The following KCNK9 variants were observed in gnomAD, a reference collection of about 807,000 sequenced individuals.
The protein encoded by KCNK9 is potassium channel subfamily K member 9.
KCNK9 carries 1 observed loss-of-function variant against 10.8 expected under a neutral mutation model. The ratio of observed to expected loss-of-function variants is 0.09; its 90% CI spans 0.03 to 0.44. The LOEUF is 0.44. Ranked by LOEUF, KCNK9 falls within the 20% of genes least tolerant of loss-of-function variation. KCNK9 has a pLI of 0.97. For synonymous variants in KCNK9, 231 were observed against 222.7 expected (o/e 1.04, Z -0.33); for missense variants, 303 against 515.0 (o/e 0.59, Z 3.98).
At position 139,665,354 on chromosome 8, in the gene KCNK9, A is replaced by G. The variant is rs571368386; in HGVS notation, c.283+37356T>C. Among the ~76,000 whole-genome samples the G allele has an allele frequency of 7.9e-5, 12 of 152,248 alleles. No individual in the cohort carries two copies. The East Asian group carries it at 1.9e-3, about 25-fold the overall frequency. On this transcript the variant is annotated intron_variant, in intron 1 of 1. Coordinates refer to ENST00000520439, the MANE Select transcript of KCNK9 (RefSeq NM_001282534.2). ...CCCTCCGACCTCTGCTTCAATCATC[A>G]GAACTCTCCTGACTCTACCCTCCTG...
intron 1 of KCNK9, among the ~76,000 whole-genome samples, chr8:139,666,007 G>A (rs968635418): frequency 1.3e-5 from 2 of 152,238 alleles, no homozygotes; most frequent in African/African-American, 4.8e-5. Flanking sequence ...GGGAAGTAGT[G>A]AGTGCTCCTA....
downstream of KCNK9, among the ~76,000 whole-genome samples, chr8:139,609,246 A>ACCCCCC (rs1220786453): frequency 1.0e-5 from 1 of 98,094 alleles, no homozygotes; most frequent in East Asian, 3.3e-4. Flanking sequence ...CTGCCCCCCC[A>ACCCCCC]CCCCCCCCCC....
chr8:139,655,426 T>C (rs1317220427), intron 1 of KCNK9, among the ~76,000 whole-genome samples: 1 of 152,042 alleles, frequency 6.6e-6, no homozygotes, highest in Non-Finnish European at 1.5e-5. Context: ...CATTCAAACC[T>C]GACTAGGCAG....
intron 2 of KCNK9, among the ~76,000 whole-genome samples, chr8:139,604,205 C>T (rs1348763266): frequency 2.0e-5 from 3 of 152,212 alleles, no homozygotes; most frequent in Non-Finnish European, 4.4e-5. Context: ...GGACTATTGT[C>T]TGCAGATATG....
chr8:139,646,221 G>A (rs1815672461), intron 1 of KCNK9, among the ~76,000 whole-genome samples: 7 of 152,200 alleles, frequency 4.6e-5, no homozygotes, highest in Admixed American at 3.9e-4. Context: ...AACACTGTGG[G>A]CATCACCCTT....
intron 1 of KCNK9, among the ~76,000 whole-genome samples, chr8:139,658,014 G>A (rs1367325959): frequency 2.6e-5 from 4 of 152,246 alleles, no homozygotes; most frequent in Non-Finnish European, 5.9e-5. Flanking sequence ...ATGGTTTCCT[G>A]TTGGGTTTAG....
At chr8:139,632,150 C>T (rs773792844) in intron 1 of KCNK9, among the ~76,000 whole-genome samples, 5 of 152,198 alleles carry the variant, frequency 3.3e-5, no homozygotes, top group African/African-American at 4.8e-5. Context: ...TTTGCCGCAA[C>T]GCCCATTCTG....
At chr8:139,664,562 C>T (rs933926945) in intron 1 of KCNK9, among the ~76,000 whole-genome samples, 8 of 152,192 alleles carry the variant, frequency 5.3e-5, no homozygotes, top group Admixed American at 2.0e-4. Flanking sequence ...ATCCAGAAGA[C>T]GCTTAGCCAC....
chr8:139,640,800 G>A (rs913503370), intron 1 of KCNK9, among the ~76,000 whole-genome samples: 4 of 152,276 alleles, frequency 2.6e-5, no homozygotes, highest in South Asian at 4.1e-4. Flanking sequence ...TTGTTGCTGC[G>A]TCATCCACAG....
intron 1 of KCNK9, among the ~76,000 whole-genome samples, chr8:139,640,875 C>T (rs1213764544): frequency 1.3e-5 from 2 of 152,254 alleles, no homozygotes; most frequent in Non-Finnish European, 2.9e-5. Context: ...CAGACGTGCA[C>T]CGTCACTCGG....
At chr8:139,700,227 C>G (rs1024643327) in intron 1 of KCNK9, among the ~76,000 whole-genome samples, 1 of 152,180 alleles carries the variant, frequency 6.6e-6, no homozygotes, top group Non-Finnish European at 1.5e-5. Flanking sequence ...TACTAAGTGC[C>G]GGCCACACTG....
At chr8:139,688,823 A>G (rs1282635397) in intron 1 of KCNK9, among the ~76,000 whole-genome samples, 1 of 152,248 alleles carries the variant, frequency 6.6e-6, no homozygotes, top group African/African-American at 2.4e-5. Flanking sequence ...AGTGACTTCT[A>G]TGTGATGGGC....
intron 1 of KCNK9, among the ~76,000 whole-genome samples, chr8:139,653,843 C>T (rs971799164): frequency 1.3e-5 from 2 of 152,236 alleles, no homozygotes; most frequent in African/African-American, 2.4e-5. Context: ...GCTCAGCTCT[C>T]GGGCAACACC....
At chr8:139,688,270 G>A (rs527666333) in intron 1 of KCNK9, among the ~76,000 whole-genome samples, 7 of 152,240 alleles carry the variant, frequency 4.6e-5, no homozygotes, top group Admixed American at 3.9e-4. Flanking sequence ...GTCTTAATCC[G>A]TTCTCACACT....
At chr8:139,619,131 G>A (rs779857510) in intron 1 of KCNK9, 32 bp from the exon 2 acceptor site, 3 of 1,612,406 alleles carry the variant, frequency 1.9e-6, no homozygotes, top group East Asian at 4.5e-5. Context: ...AACAGAGAGA[G>A]CAAGTGAGGA....
At chr8:139,651,049 T>C (rs1452027036) in intron 1 of KCNK9, among the ~76,000 whole-genome samples, 1 of 152,158 alleles carries the variant, frequency 6.6e-6, no homozygotes. Context: ...CCCCTTCTGC[T>C]TCTTCCCAGC....
chr8:139,646,534 G>C (rs1396015156), intron 1 of KCNK9, among the ~76,000 whole-genome samples: 1 of 152,194 alleles, frequency 6.6e-6, no homozygotes, highest in African/African-American at 2.4e-5. Flanking sequence ...CAATGACTTG[G>C]AATAATGACC....
intron 1 of KCNK9, among the ~76,000 whole-genome samples, chr8:139,630,402 C>A (rs766084377): frequency 5.2e-4 from 79 of 152,052 alleles, no homozygotes; most frequent in Non-Finnish European, 1.9e-4. Context: ...CCGCCGCCGC[C>A]GCCCCCACCT....
intron 1 of KCNK9, among the ~76,000 whole-genome samples, chr8:139,694,615 G>A (rs564997908): frequency 5.2e-4 from 79 of 152,320 alleles, no homozygotes; most frequent in South Asian, 8.3e-4. Context: ...CTGGCCATGC[G>A]TAGGGTAGGG....
Sources: gnomAD v4.1 joint callset for allele counts (sites outside exome capture counted in the v4.1 genomes callset) on GRCh38, gnomAD v4.1.1 for gene constraint, MANE v1.5 for transcripts, NCBI Gene and HGNC (gene_info 2026-07-23, HGNC 2026-07-21) for gene names.